Variants in TMEM165 observed in about 807,000 individuals in gnomAD.
TMEM165 encodes the protein putative divalent cation/proton antiporter TMEM165.
Under a neutral mutation model 30.0 loss-of-function variants are expected in TMEM165, and 19 were observed. The ratio of observed to expected loss-of-function variants is 0.63; its 90% CI spans 0.44 to 0.93. The LOEUF is 0.93. Ranked by LOEUF, TMEM165 falls within the 40% of genes least tolerant of loss-of-function variation. TMEM165 has a pLI of 0.00. For synonymous variants in TMEM165, 168 were observed against 162.9 expected (o/e 1.03, Z -0.24); for missense variants, 340 against 417.0 (o/e 0.82, Z 1.61).
At chr4:55,405,892 A>G (rs1366239232) in intron 1 of TMEM165, among the ~76,000 whole-genome samples, 2 of 152,212 alleles carry the variant, frequency 1.3e-5, no homozygotes, top group South Asian at 4.1e-4. Flanking sequence ...GGCCCAGTTT[A>G]TCTTTCTCAT....
At chr4:55,445,260 A>AG in intron 3 of TMEM165, among the ~76,000 whole-genome samples, 1 of 68,238 alleles carries the variant, frequency 1.5e-5, no homozygotes, top group African/African-American at 3.7e-5. Context: ...GACATTTCTC[A>AG]CTTTTACATA....
chr4:55,421,106 C>T (rs377453268), intron 4 of TMEM165, among the ~76,000 whole-genome samples: 51 of 136,172 alleles, frequency 3.7e-4, no homozygotes, highest in African/African-American at 1.3e-3. Flanking sequence ...CTCTTGAACC[C>T]GGGTGAGCCG....
rs747450377 is a variant in TMEM165 at position 55,411,757 on chromosome 4, A to G, written c.351A>G (p.Ala117=). ...SELGDKTFFI[A]AIMAMRYNRL... is the part of the protein sequence containing the mutation. Reference sequence around the variant, plus strand: ...TGGGTGATAAGACATTTTTTATAGCAGCCATCATGGCAATGCGCTATAACC... The same window carrying G: ...TGGGTGATAAGACATTTTTTATAGCGGCCATCATGGCAATGCGCTATAACC... The change falls in exon 2 of 6, where the codon GCA becomes GCG. Residue 117 remains alanine, a synonymous_variant. Coordinates refer to ENST00000381334, the MANE Select transcript of TMEM165 (RefSeq NM_018475.5). The G allele has an allele frequency of 1.0e-4, 166 of 1,614,098 alleles. No homozygotes were observed. Among genetic ancestry groups the G allele is most frequent in the Admixed American group, 4.8e-4 (29 of 60,008 alleles).
At chr4:55,417,293 GGAATAAACACTCTACA>G in intron 3 of TMEM165, 46 bp downstream of exon 3, 2 of 1,574,870 alleles carry the variant, frequency 1.3e-6, no homozygotes, top group Non-Finnish European at 1.7e-6. Flanking sequence ...CACTCAACTA[GGAATAAACACTCTACA>G]GAGGTTTCTC....
At chr4:55,440,476 T>C (rs1723274608) in intron 3 of TMEM165, among the ~76,000 whole-genome samples, 1 of 152,204 alleles carries the variant, frequency 6.6e-6, no homozygotes, top group Non-Finnish European at 1.5e-5. Flanking sequence ...AACATAGATG[T>C]GGCATGACAT....
intron 3 of TMEM165, among the ~76,000 whole-genome samples, chr4:55,448,598 G>GCGCGCGCA (rs1724118085): frequency 1.4e-5 from 1 of 73,982 alleles, no homozygotes; most frequent in African/African-American, 6.8e-5. Context: ...GCGCGCACGC[G>GCGCGCGCA]CGCGTGTGTG....
At chr4:55,428,863 T>C (rs749072905), downstream of TMEM165, 2 of 151,468 alleles carry the variant, frequency 1.3e-5, no homozygotes, top group Non-Finnish European at 2.9e-5. Context: ...AATCTTTACA[T>C]AGAGTGAATA....
chr4:55,421,300 T>TC (rs1002626900), intron 4 of TMEM165, among the ~76,000 whole-genome samples: 6 of 130,066 alleles, frequency 4.6e-5, no homozygotes, highest in South Asian at 2.3e-4. Context: ...TTTCTTTCTT[T>TC]TTTTTTTTTT....
downstream of TMEM165, chr4:55,430,250 C>G (rs1374862303): frequency 6.6e-6 from 1 of 152,122 alleles, no homozygotes; most frequent in Admixed American, 6.6e-5. Context: ...AGTTGTCTCT[C>G]CATAAACTAT....
chr4:55,426,852 TAAATGCC>T (rs1020535433), downstream of TMEM165, among the ~76,000 whole-genome samples: 7 of 152,176 alleles, frequency 4.6e-5, no homozygotes, highest in African/African-American at 1.7e-4. Context: ...GTTTTCAGCT[TAAATGCC>T]AAGTTAGAAG....
chr4:55,424,873 G>T, intron 5 of TMEM165: 1 of 493,248 alleles, frequency 2.0e-6, no homozygotes. Context: ...GTAGCTTCTT[G>T]TTAACATATT....
intron 3 of TMEM165, among the ~76,000 whole-genome samples, chr4:55,440,112 A>G (rs1179336247): frequency 6.6e-6 from 1 of 152,166 alleles, no homozygotes; most frequent in Non-Finnish European, 1.5e-5. Flanking sequence ...TTCATCTGCT[A>G]CACTGGCACA....
chr4:55,405,538 C>T (rs914207537), intron 1 of TMEM165, among the ~76,000 whole-genome samples: 32 of 152,110 alleles, frequency 2.1e-4, no homozygotes, highest in African/African-American at 5.6e-4. Context: ...TTCCCCTTTC[C>T]GACATACCTT....
At chr4:55,427,116 C>T (rs1259852730), downstream of TMEM165, among the ~76,000 whole-genome samples, 1 of 151,274 alleles carries the variant, frequency 6.6e-6, no homozygotes, top group African/African-American at 2.4e-5. Context: ...TCACTGCAAC[C>T]TCCACCGCCC....
chr4:55,402,794 G>GTTTTTTTTTTTTTTTTTTTTTTTTTTTT (rs1491276185), intron 1 of TMEM165, among the ~76,000 whole-genome samples: 1 of 52,520 alleles, frequency 1.9e-5, no homozygotes. Flanking sequence ...TTTAAAAAAA[G>GTTTTTTTTTTTTTTTTTTTTTTTTTTTT]CTTTTTTTTT....
chr4:55,448,747 A>G (rs1724159402), intron 3 of TMEM165: 1 of 1,549,148 alleles, frequency 6.5e-7, no homozygotes, highest in Non-Finnish European at 8.9e-7. Context: ...ATCATATTCA[A>G]ATACGCAACT....
intron 3 of TMEM165, among the ~76,000 whole-genome samples, chr4:55,417,476 C>T (rs1183024667): frequency 2.6e-5 from 4 of 152,078 alleles, no homozygotes; most frequent in African/African-American, 7.2e-5. Flanking sequence ...AATCAGTTTC[C>T]TTAATTAGGT....
chr4:55,432,581 GAC>G (rs774402618), intron 3 of TMEM165: 3 of 126,180 alleles, frequency 2.4e-5, no homozygotes, highest in Non-Finnish European at 4.7e-5. Context: ...ATGAAGAACA[GAC>G]ACTGCTGAAT....
chr4:55,420,465 C>T (rs1194229192), intron 4 of TMEM165, among the ~76,000 whole-genome samples: 1 of 151,840 alleles, frequency 6.6e-6, no homozygotes, highest in Non-Finnish European at 1.5e-5. Context: ...TACTGCACTT[C>T]CCTGCATTTT....
Sources: gnomAD v4.1 joint callset for allele counts (sites outside exome capture counted in the v4.1 genomes callset) on GRCh38, gnomAD v4.1.1 for gene constraint, MANE v1.5 for transcripts, NCBI Gene and HGNC (gene_info 2026-07-23, HGNC 2026-07-21) for gene names.